NEGR1: variants seen among roughly 807,000 people sequenced by gnomAD.
The protein encoded by NEGR1 is IgLON family member 4.
In NEGR1, 10 loss-of-function variants were observed where a neutral mutation model predicts 40.9. The observed-to-expected ratio is 0.24, with a 90% CI of 0.15 to 0.42. NEGR1 has a LOEUF of 0.42. Ranked by LOEUF, NEGR1 falls within the 10% of genes least tolerant of loss-of-function variation. The pLI is 1.00. For synonymous variants in NEGR1, 185 were observed against 166.8 expected (o/e 1.11, Z -0.84); for missense variants, 352 against 438.9 (o/e 0.80, Z 1.77).
chr1:71,432,926 C>G (rs1223142219), intron 6 of NEGR1, among the ~76,000 whole-genome samples: 2 of 152,178 alleles, frequency 1.3e-5, no homozygotes, highest in East Asian at 3.9e-4. Context: ...ATTAATCTGT[C>G]TTATTGTGAG....
chr1:72,239,117 A>G lies in NEGR1; in HGVS notation c.176+43202T>C, dbSNP rs563704515. 8.6e-5 allele frequency among the ~76,000 whole-genome samples: 13 copies of G among 152,002 alleles called. No homozygotes were observed. The South Asian group carries it at 2.3e-3, about 27-fold the overall frequency. ...TTCAAGAATAATTGTCCCATTTTTC[A>G]AATAAGAAAAAAATAAAAACAATAA... On this transcript the variant is annotated intron_variant, in intron 1 of 6. Coordinates refer to ENST00000357731, the MANE Select transcript of NEGR1 (RefSeq NM_173808.3).
chr1:72,224,576 G>C (rs1654114958), intron 1 of NEGR1, among the ~76,000 whole-genome samples: 4 of 152,042 alleles, frequency 2.6e-5, no homozygotes, highest in Admixed American at 2.6e-4. Context: ...TTGTAAGCTT[G>C]CATGTCGGAA....
At chr1:71,834,492 G>A (rs973462458) in intron 2 of NEGR1, among the ~76,000 whole-genome samples, 1 of 149,520 alleles carries the variant, frequency 6.7e-6, no homozygotes, top group Non-Finnish European at 1.5e-5. Context: ...TCCCTCAATG[G>A]TTGAGCTGGG....
chr1:71,985,976 C>T (rs931069169), intron 1 of NEGR1, among the ~76,000 whole-genome samples: 11 of 152,072 alleles, frequency 7.2e-5, no homozygotes, highest in Non-Finnish European at 1.3e-4. Context: ...GAAAGGAGAG[C>T]ACTTGAAATA....
At chr1:71,775,989 T>C (rs963692391) in intron 3 of NEGR1, among the ~76,000 whole-genome samples, 183 bp downstream of exon 3, 2 of 136,742 alleles carry the variant, frequency 1.5e-5, no homozygotes, top group Non-Finnish European at 3.1e-5. Flanking sequence ...TAAGACTCTG[T>C]CTCAAAAATA....
intron 2 of NEGR1, among the ~76,000 whole-genome samples, chr1:71,845,691 C>T (rs1659381673): frequency 6.6e-6 from 1 of 151,952 alleles, no homozygotes; most frequent in African/African-American, 2.4e-5. Context: ...ATCCAATTCA[C>T]ACAGCAAAAA....
At chr1:71,792,895 G>T (rs1557654149) in intron 2 of NEGR1, among the ~76,000 whole-genome samples, 1 of 151,944 alleles carries the variant, frequency 6.6e-6, no homozygotes, top group Non-Finnish European at 1.5e-5. Context: ...TCTAGGTGTT[G>T]CAAGGCAGCT....
chr1:72,122,220 T>C (rs923243083), intron 1 of NEGR1, among the ~76,000 whole-genome samples: 1 of 151,982 alleles, frequency 6.6e-6, no homozygotes, highest in Non-Finnish European at 1.5e-5. Flanking sequence ...CCAGAAAACA[T>C]TAAACCACAG....
intron 2 of NEGR1, among the ~76,000 whole-genome samples, chr1:71,801,347 C>G (rs976285401): frequency 6.6e-6 from 1 of 152,072 alleles, no homozygotes; most frequent in African/African-American, 2.4e-5. Context: ...TTTGAAATAC[C>G]AACTAAAAAG....
chr1:71,435,106 CAAACAAAAAAAA>C (rs948319031), intron 6 of NEGR1, among the ~76,000 whole-genome samples: 6 of 149,386 alleles, frequency 4.0e-5, no homozygotes, highest in East Asian at 2.0e-4. Flanking sequence ...AACAAACAAA[CAAACAAAAAAAA>C]AAAAAAAAGA....
chr1:71,670,507 A>G (rs1410461151), intron 4 of NEGR1, among the ~76,000 whole-genome samples: 2 of 152,104 alleles, frequency 1.3e-5, no homozygotes, highest in Admixed American at 1.3e-4. Flanking sequence ...AACAATTTTG[A>G]AAAAGTCTTA....
intron 5 of NEGR1, among the ~76,000 whole-genome samples, chr1:71,599,002 T>C (rs1341872239): frequency 6.6e-6 from 1 of 152,210 alleles, no homozygotes; most frequent in African/African-American, 2.4e-5. Flanking sequence ...TACTATAGTG[T>C]TGGATTCTGA....
chr1:71,965,111 A>G (rs886576702), intron 1 of NEGR1, among the ~76,000 whole-genome samples: 13 of 152,268 alleles, frequency 8.5e-5, no homozygotes, highest in Non-Finnish European at 1.3e-4. Context: ...AAAATAATCG[A>G]GGGTCACACA....
intron 3 of NEGR1, among the ~76,000 whole-genome samples, chr1:71,717,472 A>T (rs1205369612): frequency 6.6e-6 from 1 of 152,154 alleles, no homozygotes; most frequent in Non-Finnish European, 1.5e-5. Flanking sequence ...GCCTATATAG[A>T]TCTGTACAGC....
intron 5 of NEGR1, among the ~76,000 whole-genome samples, chr1:71,608,108 A>G (rs1557585376): frequency 1.3e-5 from 2 of 152,170 alleles, no homozygotes; most frequent in East Asian, 3.8e-4. Flanking sequence ...CATATGCTCA[A>G]CTTTGCTTTA....
chr1:71,982,068 C>T (rs1247154522), intron 1 of NEGR1, among the ~76,000 whole-genome samples: 2 of 152,066 alleles, frequency 1.3e-5, no homozygotes, highest in African/African-American at 4.8e-5. Flanking sequence ...GACATTGTTA[C>T]TATCCGGTTC....
chr1:71,576,432 G>A (rs948181550), intron 6 of NEGR1, among the ~76,000 whole-genome samples: 1 of 152,166 alleles, frequency 6.6e-6, no homozygotes, highest in Non-Finnish European at 1.5e-5. Flanking sequence ...TCAGGCTGAT[G>A]AAGAAGAATG....
intron 1 of NEGR1, among the ~76,000 whole-genome samples, chr1:72,141,426 T>C (rs1650673598): frequency 6.6e-6 from 1 of 152,020 alleles, no homozygotes; most frequent in South Asian, 2.1e-4. Flanking sequence ...ATTCCATAAA[T>C]AGAATCAAAC....
intron 2 of NEGR1, among the ~76,000 whole-genome samples, chr1:71,852,984 A>AT (rs1659654789): frequency 6.6e-6 from 1 of 152,146 alleles, no homozygotes; most frequent in Admixed American, 6.6e-5. Flanking sequence ...AATGTGTGGT[A>AT]TAACGAATTT....
Sources: allele counts gnomAD v4.1 joint callset (sites outside exome capture counted in the v4.1 genomes callset), GRCh38; gene constraint gnomAD v4.1.1; transcripts MANE v1.5; gene names NCBI Gene and HGNC (gene_info 2026-07-23, HGNC 2026-07-21).